Variants in NCOA2 observed in about 807,000 individuals in gnomAD.
NCOA2 encodes the protein nuclear receptor coactivator 2.
NCOA2 carries 21 observed loss-of-function variants against 145.1 expected under a neutral mutation model. The observed-to-expected ratio is 0.14, with a 90% CI of 0.10 to 0.21. The LOEUF (loss-of-function observed/expected upper bound fraction) is 0.21. Ranked by LOEUF, NCOA2 falls within the 10% of genes least tolerant of loss-of-function variation. The pLI, the probability that NCOA2 is intolerant of heterozygous loss-of-function variation, is 1.00. For synonymous variants in NCOA2, 619 were observed against 637.5 expected (o/e 0.97, Z 0.44); for missense variants, 1,472 against 1,837.6 (o/e 0.80, Z 3.64).
chr8:70,122,469 C>T (rs1807935695), intron 21 of NCOA2, among the ~76,000 whole-genome samples: 1 of 151,466 alleles, frequency 6.6e-6, no homozygotes, highest in African/African-American at 2.4e-5. Context: ...GTTGCCCAGA[C>T]TGGTCTTGAA....
chr8:70,150,814 ATCAT>A (rs1811658430), intron 11 of NCOA2, among the ~76,000 whole-genome samples: 2 of 152,184 alleles, frequency 1.3e-5, no homozygotes, highest in Non-Finnish European at 2.9e-5. Flanking sequence ...ATTTCTTTTA[ATCAT>A]ATTAACACAA....
intron 1 of NCOA2, among the ~76,000 whole-genome samples, chr8:70,310,073 T>C (rs1278624960): frequency 1.3e-5 from 2 of 151,862 alleles, no homozygotes; most frequent in African/African-American, 4.8e-5. Flanking sequence ...GGCTCATACC[T>C]GTAACCCAGC....
At chr8:70,225,096 T>C (rs1820499101) in intron 2 of NCOA2, among the ~76,000 whole-genome samples, 1 of 152,176 alleles carries the variant, frequency 6.6e-6, no homozygotes, top group Non-Finnish European at 1.5e-5. Flanking sequence ...TGAATACCTA[T>C]TATGCACCAA....
At chr8:70,279,544 C>T (rs941507748) in intron 2 of NCOA2, among the ~76,000 whole-genome samples, 2 of 152,214 alleles carry the variant, frequency 1.3e-5, no homozygotes, top group African/African-American at 4.8e-5. Context: ...CTCTACAACA[C>T]ATGCAAGCAA....
chr8:70,258,449 TTTTC>T (rs1823839619), intron 2 of NCOA2, among the ~76,000 whole-genome samples: 2 of 152,316 alleles, frequency 1.3e-5, no homozygotes, highest in East Asian at 1.9e-4. Context: ...CTGAGGAAGT[TTTTC>T]TTTATCTGCT....
At chr8:70,121,432 A>C (rs1257892482) in intron 21 of NCOA2, 41 bp from the exon 22 acceptor site, 1 of 1,516,636 alleles carries the variant, frequency 6.6e-7, no homozygotes, top group African/African-American at 1.4e-5. Context: ...GCAGAGCAGA[A>C]TGTCCAAGAG....
chr8:70,399,441 G>A (rs1201982809), intron 1 of NCOA2, among the ~76,000 whole-genome samples: 1 of 152,112 alleles, frequency 6.6e-6, no homozygotes, highest in African/African-American at 2.4e-5. Flanking sequence ...ATGAACTATA[G>A]TCTTATTCTT....
the NCOA2 span, among the ~76,000 whole-genome samples, chr8:70,426,194 A>G: frequency 2.0e-5 from 3 of 152,222 alleles, no homozygotes; most frequent in Non-Finnish European, 4.4e-5. Flanking sequence ...CATTCCATCC[A>G]TTACAACTGA....
chr8:70,178,809 C>T (rs1016254588), intron 4 of NCOA2, among the ~76,000 whole-genome samples: 10 of 152,160 alleles, frequency 6.6e-5, no homozygotes, highest in Non-Finnish European at 1.0e-4. Context: ...CAGGTGGAGA[C>T]GGATGTGTGG....
chr8:70,316,319 C>T (rs1805582750), intron 1 of NCOA2, among the ~76,000 whole-genome samples: 1 of 152,158 alleles, frequency 6.6e-6, no homozygotes, highest in Non-Finnish European at 1.5e-5. Context: ...GTTTTAAAGG[C>T]ACTATGTTTT....
chr8:70,235,939 G>T (rs919509219), intron 2 of NCOA2, among the ~76,000 whole-genome samples: 12 of 152,292 alleles, frequency 7.9e-5, no homozygotes, highest in African/African-American at 2.9e-4. Context: ...GGTGGTATCA[G>T]TTATCCCTAC....
chr8:70,334,945 G>A (rs531464271), intron 1 of NCOA2, among the ~76,000 whole-genome samples: 1 of 151,722 alleles, frequency 6.6e-6, no homozygotes, highest in African/African-American at 2.4e-5. Context: ...CCGACACGGT[G>A]AAACCCTATC....
At chr8:70,114,168 A>T (rs1220138994) in intron 22 of NCOA2, among the ~76,000 whole-genome samples, 1 of 152,060 alleles carries the variant, frequency 6.6e-6, no homozygotes, top group Non-Finnish European at 1.5e-5. Context: ...AGCAAGCTAG[A>T]TCATGATGGG....
intron 4 of NCOA2, among the ~76,000 whole-genome samples, chr8:70,177,535 G>C (rs886108188): frequency 3.9e-5 from 6 of 152,150 alleles, no homozygotes; most frequent in African/African-American, 1.4e-4. Flanking sequence ...TTCCCCTTTT[G>C]CCTCACAGGA....
intron 1 of NCOA2, among the ~76,000 whole-genome samples, chr8:70,375,576 T>C (rs988834456): frequency 7.9e-5 from 12 of 152,178 alleles, no homozygotes. Context: ...TGTAATAAAA[T>C]TGTTAAATAT....
intron 4 of NCOA2, among the ~76,000 whole-genome samples, chr8:70,194,469 A>C (rs1374880828): frequency 6.6e-6 from 1 of 152,164 alleles, no homozygotes; most frequent in Non-Finnish European, 1.5e-5. Context: ...TTGTTTATCT[A>C]GAGGTTACAT....
intron 1 of NCOA2, among the ~76,000 whole-genome samples, chr8:70,364,671 A>AT (rs947348662): frequency 6.6e-6 from 1 of 151,952 alleles, no homozygotes; most frequent in African/African-American, 2.4e-5. Context: ...AATGGAAGAG[A>AT]TAAGACTCAA....
chr8:70,306,161 G>A lies in NCOA2; in HGVS notation c.-76-9361C>T, dbSNP rs1031711402. Among the ~76,000 whole-genome samples, 5 of 152,058 alleles carry A rather than the reference G, an allele frequency of 3.3e-5. No individual in the cohort carries two copies. The South Asian group carries it at 8.3e-4, about 25-fold the overall frequency. On this transcript the variant is annotated intron_variant, in intron 1 of 22. Coordinates refer to ENST00000452400, the MANE Select transcript of NCOA2 (RefSeq NM_006540.4). ...GATCCTATGGCAACAGTACCATTTC[G>A]GGAAAAAATTGAGATCTAGAGCAAA...
the NCOA2 span, among the ~76,000 whole-genome samples, chr8:70,426,420 C>T: frequency 6.6e-6 from 1 of 152,134 alleles, no homozygotes; most frequent in Non-Finnish European, 1.5e-5. Context: ...CATATAGTTA[C>T]ATGAAATTGT....
Sources: gnomAD v4.1 joint callset for allele counts (sites outside exome capture counted in the v4.1 genomes callset) on GRCh38, gnomAD v4.1.1 for gene constraint, MANE v1.5 for transcripts, NCBI Gene and HGNC (gene_info 2026-07-23, HGNC 2026-07-21) for gene names.